KCNMA1: variants seen among roughly 807,000 people sequenced by gnomAD.
KCNMA1 encodes the protein potassium calcium-activated channel subfamily M alpha 1.
A neutral mutation model predicts 140.0 loss-of-function variants in KCNMA1; 29 were observed. The ratio of observed to expected loss-of-function variants is 0.21; its 90% CI spans 0.15 to 0.28. KCNMA1 has a LOEUF of 0.28. Ranked by LOEUF, KCNMA1 falls within the 10% of genes least tolerant of loss-of-function variation. KCNMA1 has a pLI of 1.00. For synonymous variants in KCNMA1, 612 were observed against 611.9 expected, an observed-to-expected ratio of 1.00 and a Z score of 0.00; for missense variants, 880 against 1,602.2, an observed-to-expected ratio of 0.55 and a Z score of 7.70.
chr10:77,411,473 C>A lies in KCNMA1; in HGVS notation c.379-7450G>T, dbSNP rs187316608. On this transcript the variant is annotated intron_variant, in intron 1 of 27. Coordinates refer to ENST00000286628, the MANE Select transcript of KCNMA1 (RefSeq NM_001161352.2). ...ACTCTATGACGTTGGTACTAATGTCCTCCATTGACAGATGAGAGGTTAAGT... is the reference window on the plus strand; with the variant it reads ...ACTCTATGACGTTGGTACTAATGTCATCCATTGACAGATGAGAGGTTAAGT... 1.4e-3 allele frequency among the ~76,000 whole-genome samples: 212 copies of A among 152,198 alleles called. 2 individuals carry two copies. The highest frequency in any genetic ancestry group is 0.01 in the Middle Eastern group (3 of 294).
At chr10:77,331,032 G>A (rs1011894017) in intron 2 of KCNMA1, among the ~76,000 whole-genome samples, 8 of 152,068 alleles carry the variant, frequency 5.3e-5, no homozygotes, top group Admixed American at 6.6e-5. Context: ...AGAGCCACAC[G>A]GAATCTAAAC....
intron 5 of KCNMA1, among the ~76,000 whole-genome samples, chr10:77,156,071 CAA>C (rs1289418300): frequency 6.6e-6 from 1 of 151,542 alleles, no homozygotes; most frequent in African/African-American, 2.4e-5. Context: ...ACTAAAAATA[CAA>C]AAAAATTAGC....
At chr10:77,418,962 T>A (rs1663994273) in intron 1 of KCNMA1, among the ~76,000 whole-genome samples, 1 of 152,050 alleles carries the variant, frequency 6.6e-6, no homozygotes, top group Non-Finnish European at 1.5e-5. Flanking sequence ...AACCAGAGGG[T>A]AATTGTTAGA....
At chr10:77,139,609 A>C (rs1436006513) in intron 5 of KCNMA1, among the ~76,000 whole-genome samples, 1 of 152,244 alleles carries the variant, frequency 6.6e-6, no homozygotes, top group African/African-American at 2.4e-5. Context: ...AGAAATTCCT[A>C]GTACTGCTAA....
intron 2 of KCNMA1, among the ~76,000 whole-genome samples, chr10:77,383,000 A>G (rs1312786050): frequency 0.046 from 1,934 of 42,186 alleles, 22 homozygotes; most frequent in East Asian, 0.17. Flanking sequence ...GTGTGTATAT[A>G]TATATATATA....
intron 1 of KCNMA1, among the ~76,000 whole-genome samples, chr10:77,597,846 A>G (rs2081375461): frequency 1.3e-5 from 2 of 152,200 alleles, no homozygotes; most frequent in African/African-American, 4.8e-5. Context: ...TGACCTTCTC[A>G]GTGAATTCTA....
chr10:76,886,803 G>A lies in KCNMA1; in HGVS notation c.*463C>T. ...GGTTGCTTGTTTCAAATAAACATGT[G>A]CTAACTTATTGTGTGTATAAAAAAA... On this transcript the variant is annotated 3_prime_UTR_variant, in exon 28 of 28. Transcript: ENST00000286628. 1 of 1,046,008 alleles carries A rather than the reference G, an allele frequency of 9.6e-7. No individual in the cohort carries two copies. Among genetic ancestry groups the A allele is most frequent in the Non-Finnish European group, 1.2e-6 (1 of 866,216 alleles). 64.8% of individuals were successfully genotyped at this position (1,046,008 alleles called of 1,614,324 possible).
At chr10:77,150,721 T>C (rs1159718796) in intron 5 of KCNMA1, among the ~76,000 whole-genome samples, 1 of 152,246 alleles carries the variant, frequency 6.6e-6, no homozygotes, top group Non-Finnish European at 1.5e-5. Flanking sequence ...TTCATGATCA[T>C]TCTTCTGTCA....
intron 1 of KCNMA1, among the ~76,000 whole-genome samples, chr10:77,559,914 A>G (rs1044411678): frequency 2.8e-4 from 43 of 152,096 alleles, no homozygotes; most frequent in African/African-American, 1.0e-3. Flanking sequence ...ATGGTGGCTC[A>G]CACCTATAAT....
chr10:77,426,003 T>C (rs1756549665), intron 1 of KCNMA1, among the ~76,000 whole-genome samples: 1 of 152,086 alleles, frequency 6.6e-6, no homozygotes, highest in South Asian at 2.1e-4. Flanking sequence ...AAAGAGGGAC[T>C]GTGTCGTCTG....
chr10:76,889,705 G>C lies in KCNMA1; in HGVS notation c.3343-136C>G, dbSNP rs558710842. On this transcript the variant is annotated intron_variant, in intron 26 of 27. Transcript: ENST00000286628. ...TTGGAGGGTCCATGTGCCAAGGGAC[G>C]GCAGTGGAAGAAGTCAACATGTTTA... 8 of 759,452 alleles carry C rather than the reference G, an allele frequency of 1.1e-5. No homozygotes were observed. In the South Asian group the frequency reaches 1.1e-4, roughly 11 times the overall value. 47.0% of individuals were successfully genotyped at this position (759,452 alleles called of 1,614,324 possible). A position where few individuals can be genotyped will look rare whatever the true frequency, so the allele number is the denominator to read the frequency against.
Position 77,108,655 on chromosome 10 carries a change from G to A in KCNMA1, c.1132-83C>T. On this transcript the variant is annotated intron_variant, in intron 8 of 27. Coordinates refer to ENST00000286628, the MANE Select transcript of KCNMA1 (RefSeq NM_001161352.2). The surrounding 1 kb of genome is among the most constrained non-coding windows in gnomAD (Gnocchi z 4.6). ...CCTGTTCAGAGGGTGGGGGCACTAA[G>A]ATCTGAAAACACAAAAGGATTAGGC... 1 of 1,013,688 alleles carries A rather than the reference G, an allele frequency of 9.9e-7. No homozygotes were observed. 62.8% of individuals were successfully genotyped at this position (1,013,688 alleles called of 1,614,324 possible).
chr10:77,040,173 C>T (rs2094585282), intron 14 of KCNMA1, among the ~76,000 whole-genome samples: 1 of 151,956 alleles, frequency 6.6e-6, no homozygotes, highest in African/African-American at 2.4e-5. Flanking sequence ...AGCCACCGTG[C>T]ACAGTCTTTA....
chr10:77,409,203 G>A (rs2096564718), intron 1 of KCNMA1, among the ~76,000 whole-genome samples: 1 of 152,142 alleles, frequency 6.6e-6, no homozygotes. Flanking sequence ...CCCATCACCT[G>A]GTGCTCAAGA....
chr10:77,172,389 T>C (rs1192353936), intron 5 of KCNMA1, among the ~76,000 whole-genome samples: 6 of 152,176 alleles, frequency 3.9e-5, no homozygotes, highest in Non-Finnish European at 8.8e-5. Context: ...TTAGAATCTC[T>C]ACTTACGGAG....
intron 9 of KCNMA1, among the ~76,000 whole-genome samples, chr10:77,107,445 AAAAC>A (rs1334372204): frequency 6.6e-6 from 1 of 152,186 alleles, no homozygotes; most frequent in Admixed American, 6.5e-5. Context: ...CTCAAAACCA[AAAAC>A]AAACAAAGGT....
intron 1 of KCNMA1, among the ~76,000 whole-genome samples, chr10:77,497,601 C>T (rs934989980): frequency 6.6e-6 from 1 of 152,204 alleles, no homozygotes; most frequent in Non-Finnish European, 1.5e-5. Flanking sequence ...GGGACCCAAC[C>T]TATATTATAA....
intron 5 of KCNMA1, among the ~76,000 whole-genome samples, chr10:77,160,812 TG>T (rs1334172468): frequency 6.6e-6 from 1 of 152,226 alleles, no homozygotes; most frequent in African/African-American, 2.4e-5. Context: ...GCCCTGGTTT[TG>T]TTAGTCATTG....
At chr10:77,429,781 A>T (rs2097110237) in intron 1 of KCNMA1, among the ~76,000 whole-genome samples, 1 of 151,990 alleles carries the variant, frequency 6.6e-6, no homozygotes, top group African/African-American at 2.4e-5. Context: ...TGTGATTTAT[A>T]TATATGTTAA....
Sources: gnomAD v4.1 joint callset for allele counts (sites outside exome capture counted in the v4.1 genomes callset) on GRCh38, gnomAD v4.1.1 for gene constraint, Gnocchi (gnomAD v3.1) non-coding constraint, MANE v1.5 for transcripts, NCBI Gene and HGNC (gene_info 2026-07-23, HGNC 2026-07-21) for gene names.